The following NAALADL2 variants were observed in gnomAD, a reference collection of about 807,000 sequenced individuals.
NAALADL2 encodes the protein inactive N-acetylated-alpha-linked acidic dipeptidase-like protein 2.
NAALADL2 carries 76 observed loss-of-function variants against 87.2 expected under a neutral mutation model. That is an observed-to-expected ratio of 0.87 (90% CI 0.72 to 1.05). The LOEUF is 1.05. NAALADL2 is among the 50% of genes least tolerant of loss of function. The probability of loss-of-function intolerance (pLI) is 0.00; values close to 1 mark genes in which losing one functional copy is unlikely to be tolerated. For missense variants in NAALADL2, 1,089 were observed against 945.8 expected (o/e 1.15, Z -1.99); for synonymous variants, 354 against 331.0 (o/e 1.07, Z -0.75).
intron 1 of NAALADL2, among the ~76,000 whole-genome samples, chr3:174,965,067 G>A (rs189190356): frequency 9.5e-4 from 144 of 152,132 alleles, no homozygotes; most frequent in Non-Finnish European, 1.6e-3. Context: ...TAGTTGGCTG[G>A]TTCTAGCTCA....
At chr3:175,233,622 G>A (rs1245640761) in intron 2 of NAALADL2, among the ~76,000 whole-genome samples, 3 of 151,996 alleles carry the variant, frequency 2.0e-5, no homozygotes, top group Non-Finnish European at 4.4e-5. Context: ...ATTTTTTAAT[G>A]TTTTGTAGAC....
At chr3:175,207,501 A>G (rs1189624868) in intron 2 of NAALADL2, among the ~76,000 whole-genome samples, 1 of 152,224 alleles carries the variant, frequency 6.6e-6, no homozygotes, top group South Asian at 2.1e-4. Flanking sequence ...AGGATTAGAC[A>G]TTCATAAAGC....
At chr3:174,450,065 G>A (rs927590876) in intron 1 of NAALADL2, among the ~76,000 whole-genome samples, 1 of 150,820 alleles carries the variant, frequency 6.6e-6, no homozygotes, top group Non-Finnish European at 1.5e-5. Flanking sequence ...TCTTTCATTT[G>A]CTATACTTAT....
At chr3:174,459,147 A>G (rs1266634921) in intron 1 of NAALADL2, 1 of 152,182 alleles carries the variant, frequency 6.6e-6, no homozygotes, top group Non-Finnish European at 1.5e-5. Flanking sequence ...ACTCTTTTAT[A>G]TATTAAGAAC....
chr3:174,838,961 C>T (rs1390793309), intron 3 of NAALADL2, among the ~76,000 whole-genome samples: 1 of 152,046 alleles, frequency 6.6e-6, no homozygotes, highest in Non-Finnish European at 1.5e-5. Context: ...CCCATCAACA[C>T]CCCCACCATT....
At chr3:175,359,416 C>T (rs973025669) in intron 5 of NAALADL2, among the ~76,000 whole-genome samples, 2 of 152,040 alleles carry the variant, frequency 1.3e-5, no homozygotes, top group Non-Finnish European at 2.9e-5. Context: ...AACAACAAGC[C>T]ACTCCTTTGT....
intron 4 of NAALADL2, among the ~76,000 whole-genome samples, chr3:175,265,438 G>A (rs990527490): frequency 6.6e-6 from 1 of 151,538 alleles, no homozygotes; most frequent in Non-Finnish European, 1.5e-5. Context: ...TTAACTTGAG[G>A]TCTAATTATT....
chr3:175,294,417 TATA>T (rs1756051478), intron 4 of NAALADL2, among the ~76,000 whole-genome samples: 1 of 152,142 alleles, frequency 6.6e-6, no homozygotes, highest in African/African-American at 2.4e-5. Context: ...AAAACAACCT[TATA>T]ATAAAGCTTT....
At chr3:174,924,123 A>T (rs997916787) in intron 1 of NAALADL2, among the ~76,000 whole-genome samples, 2 of 152,018 alleles carry the variant, frequency 1.3e-5, no homozygotes, top group African/African-American at 4.8e-5. Flanking sequence ...CAAGTTTATT[A>T]CATATGTATA....
At chr3:175,347,235 A>G (rs1187946125) in intron 5 of NAALADL2, among the ~76,000 whole-genome samples, 1 of 152,178 alleles carries the variant, frequency 6.6e-6, no homozygotes, top group Non-Finnish European at 1.5e-5. Flanking sequence ...TGGTGAATTC[A>G]GCCAAATAGG....
chr3:174,606,512 A>G (rs537399732), intron 2 of NAALADL2, among the ~76,000 whole-genome samples: 2 of 151,886 alleles, frequency 1.3e-5, no homozygotes, highest in African/African-American at 4.9e-5. Context: ...CTTGAGAACT[A>G]CTTGAAGAAT....
chr3:174,817,163 T>C (rs770745699), intron 3 of NAALADL2, among the ~76,000 whole-genome samples: 6 of 152,186 alleles, frequency 3.9e-5, no homozygotes, highest in Admixed American at 6.5e-5. Flanking sequence ...GACTAGATAA[T>C]CCACAGGGAT....
chr3:175,559,607 A>G lies in NAALADL2; in HGVS notation c.1654-16434A>G, dbSNP rs148670454. Among the ~76,000 whole-genome samples, 863 of 152,244 alleles carry G rather than the reference A, an allele frequency of 5.7e-3. 7 individuals are homozygous for G. The highest frequency in any genetic ancestry group is 0.02 in the African/African-American group (817 of 41,554). On this transcript the variant is annotated intron_variant, in intron 9 of 13. Transcript: ENST00000454872. ...TATATGGCTTTTATTATGTTGAGGT[A>G]TGTTTTTCTATACCAAGTTTTTTGA...
chr3:175,306,843 A>G (rs1757785204), intron 4 of NAALADL2, among the ~76,000 whole-genome samples: 1 of 151,968 alleles, frequency 6.6e-6, no homozygotes, highest in Non-Finnish European at 1.5e-5. Flanking sequence ...CTTCTTAGAG[A>G]TACTCTATAG....
rs554162166 is a variant in NAALADL2 at position 175,683,921 on chromosome 3, G to C, written c.1897-53385G>C. ...GTGTTGAAAAATAAGGAAGAAAAAAGAGTGTAAGATAAGAAAGTAGTATGC... is the reference window on the plus strand; with the variant it reads ...GTGTTGAAAAATAAGGAAGAAAAAACAGTGTAAGATAAGAAAGTAGTATGC... On this transcript the variant is annotated intron_variant, in intron 11 of 13. Transcript: ENST00000454872. Among the ~76,000 whole-genome samples, 3 of 152,088 alleles carry C rather than the reference G, an allele frequency of 2.0e-5. No homozygotes were observed. The South Asian group carries it at 6.2e-4, about 32-fold the overall frequency.
At chr3:174,782,784 A>G (rs1716150266) in intron 3 of NAALADL2, among the ~76,000 whole-genome samples, 1 of 152,080 alleles carries the variant, frequency 6.6e-6, no homozygotes, top group Non-Finnish European at 1.5e-5. Context: ...TTATAAAAGC[A>G]TCAGATCTTG....
intron 1 of NAALADL2, among the ~76,000 whole-genome samples, chr3:174,958,038 C>G: frequency 6.6e-6 from 1 of 151,862 alleles, no homozygotes; most frequent in East Asian, 1.9e-4. Context: ...TATGCATCGC[C>G]TCTTCCATGT....
intron 13 of NAALADL2, among the ~76,000 whole-genome samples, chr3:175,785,090 C>G (rs1247382917): frequency 1.5e-4 from 23 of 151,162 alleles, no homozygotes; most frequent in African/African-American, 4.9e-4. Flanking sequence ...AATGTCTGTT[C>G]TTTTACATTT....
chr3:175,493,700 G>A (rs1218776400), intron 9 of NAALADL2, among the ~76,000 whole-genome samples: 3 of 152,080 alleles, frequency 2.0e-5, no homozygotes, highest in Non-Finnish European at 4.4e-5. Context: ...CCCAAGGGTC[G>A]ATGTCTATAA....
Sources: gnomAD v4.1 joint callset for allele counts (sites outside exome capture counted in the v4.1 genomes callset) on GRCh38, gnomAD v4.1.1 for gene constraint, MANE v1.5 for transcripts, NCBI Gene and HGNC (gene_info 2026-07-23, HGNC 2026-07-21) for gene names.